MAVS: variants seen among roughly 807,000 people sequenced by gnomAD.
MAVS encodes mitochondrial antiviral signaling protein, also known as mitochondrial antiviral-signaling protein.
In MAVS, 20 loss-of-function variants were observed where a neutral mutation model predicts 30.2. The observed-to-expected ratio is 0.66, with a 90% CI of 0.47 to 0.96. The LOEUF is 0.96. Ranked by LOEUF, MAVS falls within the 40% of genes least tolerant of loss-of-function variation. MAVS has a pLI of 0.00. For synonymous variants in MAVS, 278 were observed against 293.9 expected, an observed-to-expected ratio of 0.95 and a Z score of 0.55; for missense variants, 624 against 701.1, an observed-to-expected ratio of 0.89 and a Z score of 1.24.
intron 1 of MAVS, among the ~76,000 whole-genome samples, chr20:3,853,548 A>G (rs993869386): frequency 6.6e-6 from 1 of 151,864 alleles, no homozygotes; most frequent in Non-Finnish European, 1.5e-5. Flanking sequence ...CATCCGAGCT[A>G]CTTGACAGGC....
intron 2 of MAVS, among the ~76,000 whole-genome samples, chr20:3,855,073 T>C (rs528880433): frequency 1.8e-4 from 27 of 152,144 alleles, no homozygotes; most frequent in Admixed American, 1.5e-3. Context: ...TTGTTTTTAA[T>C]AGAGACGGGG....
intron 2 of MAVS, among the ~76,000 whole-genome samples, chr20:3,855,850 C>T (rs1467995306): frequency 2.0e-5 from 3 of 152,118 alleles, no homozygotes; most frequent in African/African-American, 7.2e-5. Flanking sequence ...ATGATCTCAG[C>T]TCACTGCAAC....
chr20:3,861,524 C>G lies in MAVS; in HGVS notation c.465+20C>G. 6.2e-7 allele frequency: 1 copy of G among 1,605,930 alleles called. No homozygotes were observed. Among genetic ancestry groups the G allele is most frequent in the African/African-American group, 1.3e-5 (1 of 74,746 alleles). ...GGAGAGGTCTGTCCTCATAGTCTACCTTGAGCCACCACTTTTGTGTTCCTA... is the reference window on the plus strand; with the variant it reads ...GGAGAGGTCTGTCCTCATAGTCTACGTTGAGCCACCACTTTTGTGTTCCTA... On this transcript the variant is annotated intron_variant, in intron 4 of 6. Coordinates refer to ENST00000428216, the MANE Select transcript of MAVS (RefSeq NM_020746.5).
rs1367879753 is a variant in MAVS at position 3,869,118 on chromosome 20, T to G, written c.*2971T>G. ...CTTAAGCGATCCTCCTGCCTCAGCCTTCTGAGTAACTAGGACTTCAGGTAC... is the reference window on the plus strand; with the variant it reads ...CTTAAGCGATCCTCCTGCCTCAGCCGTCTGAGTAACTAGGACTTCAGGTAC... On this transcript the variant is annotated 3_prime_UTR_variant, in exon 7 of 7. Coordinates refer to ENST00000428216, the MANE Select transcript of MAVS (RefSeq NM_020746.5). 1 of 152,188 alleles carries G rather than the reference T, an allele frequency of 6.6e-6. No individual in the cohort carries two copies. Among genetic ancestry groups the G allele is most frequent in the Non-Finnish European group, 1.5e-5 (1 of 68,068 alleles). 9.4% of individuals were successfully genotyped at this position (152,188 alleles called of 1,614,324 possible).
chr20:3,860,560 A>T (rs1312825076), intron 3 of MAVS, among the ~76,000 whole-genome samples: 13 of 151,264 alleles, frequency 8.6e-5, no homozygotes, highest in Non-Finnish European at 1.5e-5. Context: ...TTTTTAGTAG[A>T]GACAGGGTTT....
chr20:3,856,011 G>T (rs1300681281), intron 2 of MAVS, among the ~76,000 whole-genome samples: 2 of 148,262 alleles, frequency 1.3e-5, no homozygotes, highest in African/African-American at 5.0e-5. Context: ...TTTTATTTTT[G>T]AGACAGAGTC....
At chr20:3,859,767 C>G (rs1355948184) in intron 3 of MAVS, among the ~76,000 whole-genome samples, 5 of 151,952 alleles carry the variant, frequency 3.3e-5, no homozygotes, top group African/African-American at 4.8e-5. Context: ...CTACCTTGTC[C>G]TCCATCTGCT....
chr20:3,859,469 C>T lies in MAVS; in HGVS notation c.292+1660C>T, dbSNP rs139246062. Among the ~76,000 whole-genome samples, 148 of 148,652 alleles carry T rather than the reference C, an allele frequency of 1.0e-3. 2 individuals are homozygous for T. The East Asian group carries it at 0.026, about 26-fold the overall frequency. On this transcript the variant is annotated intron_variant, in intron 3 of 6. Transcript: ENST00000428216. ...GTTGCAGTGAGCCGAGATTGCGCCA[C>T]TGCACTCCAGCCTGGATGACAGAGT...
chr20:3,861,085 C>T (rs915043514), intron 3 of MAVS, among the ~76,000 whole-genome samples: 11 of 152,028 alleles, frequency 7.2e-5, no homozygotes, highest in East Asian at 3.9e-4. Flanking sequence ...CTCCGCCTCC[C>T]GGGTTCACGC....
In MAVS at chr20:3,854,556, A is replaced by C. The variant is rs957973203; in HGVS notation, c.-67-2A>C. Reference sequence around the variant, plus strand: ...TGTAATGTGTGATCTGTTTTCTTCCAGTCTCGTTTCCTCTCAGTCCATCCA... The same window carrying C: ...TGTAATGTGTGATCTGTTTTCTTCCCGTCTCGTTTCCTCTCAGTCCATCCA... On this transcript the variant is annotated splice_acceptor_variant, in intron 1 of 6. Coordinates refer to ENST00000428216, the MANE Select transcript of MAVS (RefSeq NM_020746.5). LOFTEE classifies it low-confidence loss of function (5UTR_SPLICE). 1.9e-6 allele frequency: 2 copies of C among 1,060,894 alleles called. No homozygotes were observed. Among genetic ancestry groups the C allele is most frequent in the Admixed American group, 2.0e-5 (1 of 51,062 alleles). The allele number at this position is 1,060,894 out of a possible 1,614,324, so 65.7% of individuals were successfully genotyped here. A position where few individuals can be genotyped will look rare whatever the true frequency, so the allele number is the denominator to read the frequency against.
chr20:3,861,054 G>A (rs1415317668), intron 3 of MAVS, among the ~76,000 whole-genome samples: 3 of 148,112 alleles, frequency 2.0e-5, no homozygotes, highest in Admixed American at 6.8e-5. Context: ...GTGCAGTGGC[G>A]CGATCTTGGC....
At chr20:3,860,969 C>G (rs1462593457) in intron 3 of MAVS, among the ~76,000 whole-genome samples, 3 of 151,364 alleles carry the variant, frequency 2.0e-5, no homozygotes, top group Non-Finnish European at 4.4e-5. Flanking sequence ...GCCATCGTGC[C>G]CAGCCCCTGA....
chr20:3,856,353 ATTTT>A (rs56232181), intron 2 of MAVS, among the ~76,000 whole-genome samples: 1 of 101,434 alleles, frequency 9.9e-6, no homozygotes, highest in African/African-American at 4.2e-5. Context: ...TGCGCCCAGC[ATTTT>A]TTTTTTTTTT....
At chr20:3,858,155 A>C (rs2089829318) in intron 3 of MAVS, among the ~76,000 whole-genome samples, 1 of 151,862 alleles carries the variant, frequency 6.6e-6, no homozygotes, top group Non-Finnish European at 1.5e-5. Context: ...GTCTCCCCTA[A>C]CTTTCACGGC....
rs775731890 is a variant in MAVS, at chr20:3,864,432, G to A, written c.802G>A (p.Glu268Lys). 8 of 1,614,016 alleles carry A rather than the reference G, an allele frequency of 5.0e-6. No individual in the cohort carries two copies. The highest frequency in any genetic ancestry group is 6.8e-6 in the Non-Finnish European group (8 of 1,180,000). The stretch of plus-strand genomic sequence containing the variant: ...TGGCTTGGCCTCTGCAGGGGCTGCA[G>A]AGGGTAAACAGGGTGCAGAGAGTGA... ...SPGLASAGAAEGKQGAESDQA... is the reference protein window; with the variant it reads ...SPGLASAGAAKGKQGAESDQA... Residue 268 changes from glutamate to lysine, a missense_variant, in exon 6 of 7, where the codon GAG becomes AAG. By Grantham distance (56) the Glu-to-Lys change is moderately conservative. Transcript: ENST00000428216.
chr20:3,861,306 G>C (rs1317094124), intron 3 of MAVS, 26 bp from the exon 4 acceptor site: 3 of 1,585,226 alleles, frequency 1.9e-6, no homozygotes, highest in Non-Finnish European at 2.6e-6. Context: ...ATTCCTTCTT[G>C]ATATCACTAC....
At chr20:3,858,019 C>G in intron 3 of MAVS, 1 of 612,172 alleles carries the variant, frequency 1.6e-6, no homozygotes, top group Non-Finnish European at 2.9e-6. Flanking sequence ...AGCCTCAGGC[C>G]TCTCTTCTGT....
rs1054807604 is a variant in MAVS at position 3,865,171 on chromosome 20, A to G, written c.1158+383A>G. On this transcript the variant is annotated intron_variant, in intron 6 of 6. Transcript: ENST00000428216. The surrounding 1 kb of genome is among the most constrained non-coding windows in gnomAD (Gnocchi z 4.7). ...TCTGCCTCTTGCCTTGCTCTTCACC[A>G]GGATGCCTGGTGTGTCCCTCCATGG... 6.6e-6 allele frequency among the ~76,000 whole-genome samples: 1 copy of G among 152,228 alleles called. No individual in the cohort carries two copies. Among genetic ancestry groups the G allele is most frequent in the Non-Finnish European group, 1.5e-5 (1 of 68,034 alleles).
chr20:3,861,198 G>T (rs906257789), intron 3 of MAVS, 134 bp from the exon 4 acceptor site: 25 of 760,596 alleles, frequency 3.3e-5, no homozygotes, highest in Non-Finnish European at 5.2e-5. Context: ...GGGTTTCACT[G>T]TGTTAGCCAG....
Sources: allele counts gnomAD v4.1 joint callset (sites outside exome capture counted in the v4.1 genomes callset), GRCh38; gene constraint gnomAD v4.1.1; non-coding constraint Gnocchi (gnomAD v3.1); transcripts MANE v1.5; gene names NCBI Gene and HGNC (gene_info 2026-07-23, HGNC 2026-07-21).